TTC21B: variants seen among roughly 807,000 people sequenced by gnomAD.
TTC21B encodes tetratricopeptide repeat protein 21B.
In TTC21B, 127 loss-of-function variants were observed where a neutral mutation model predicts 175.1. That is an observed-to-expected ratio of 0.73 (90% CI 0.63 to 0.84). The LOEUF (loss-of-function observed/expected upper bound fraction) is 0.84. TTC21B is among the 40% of genes least tolerant of loss of function. TTC21B has a pLI of 0.00. For missense variants in TTC21B, 1,561 were observed against 1,558.3 expected, an observed-to-expected ratio of 1.00 and a Z score of -0.03; for synonymous variants, 524 against 524.5, an observed-to-expected ratio of 1.00 and a Z score of 0.01.
At chr2:165,942,699 C>T (rs1347219599) in intron 5 of TTC21B, among the ~76,000 whole-genome samples, 1 of 152,218 alleles carries the variant, frequency 6.6e-6, no homozygotes, top group Admixed American at 6.5e-5. Context: ...CTTTAACCCT[C>T]ACCTCCATAA....
chr2:165,919,458 T>C, intron 12 of TTC21B, 25 bp from the exon 13 acceptor site: 1 of 1,610,984 alleles, frequency 6.2e-7, no homozygotes, highest in Non-Finnish European at 8.5e-7. Context: ...AATGCATTGT[T>C]ATAATTCAAA....
intron 12 of TTC21B, 98 bp downstream of exon 12, chr2:165,924,451 G>T (rs1231615040): frequency 1.7e-6 from 2 of 1,148,598 alleles, no homozygotes; most frequent in Non-Finnish European, 2.5e-6. Context: ...TACATTTTAT[G>T]TGACTATTCT....
rs1686341706 is a variant in TTC21B at position 165,920,369 on chromosome 2, A to G, written c.1517-936T>C. ...GAGACTGAAAATGTTCTTCTCAGAG[A>G]CAGAAGATTAATAGAAAACTAACTG... On this transcript the variant is annotated intron_variant, in intron 12 of 28. Coordinates refer to ENST00000243344, the MANE Select transcript of TTC21B (RefSeq NM_024753.5). 3.3e-5 allele frequency among the ~76,000 whole-genome samples: 5 copies of G among 152,300 alleles called. No individual in the cohort carries two copies. In the South Asian group the frequency reaches 1.0e-3, roughly 32 times the overall value.
chr2:165,898,402 T>G (rs1233859468), intron 22 of TTC21B, among the ~76,000 whole-genome samples: 1 of 152,104 alleles, frequency 6.6e-6, no homozygotes, highest in East Asian at 1.9e-4. Context: ...TGATGGAGGT[T>G]TGAGGAGACA....
chr2:165,903,414 G>A (rs897310292), intron 19 of TTC21B, among the ~76,000 whole-genome samples: 6 of 152,162 alleles, frequency 3.9e-5, no homozygotes, highest in Non-Finnish European at 8.8e-5. Flanking sequence ...AGGTAAGCCT[G>A]TTAAATAATC....
rs146320075 is a variant in TTC21B at position 165,917,459 on chromosome 2, T to C, written c.1697A>G (p.His566Arg). The C allele has an allele frequency of 4.4e-4, 707 of 1,613,480 alleles. 2 individuals carry two copies. The highest frequency in any genetic ancestry group is 4.3e-4 in the Non-Finnish European group (508 of 1,179,642). The change falls in exon 14 of 29, where the codon CAT becomes CGT. Residue 566 changes from histidine (H) to arginine (R), a missense_variant. His to Arg is a conservative substitution (Grantham distance 29). Coordinates refer to ENST00000243344, the MANE Select transcript of TTC21B (RefSeq NM_024753.5). Reference protein sequence around the residue: ...DFKVRDYPLYHLIKAQSQKKM... With the variant: ...DFKVRDYPLYRLIKAQSQKKM... ...CTTTTGTGACTGAGCTTTTATCAAA[T>C]GGTATAAAGGATAGTCTCTCACCTG... is the stretch of plus-strand genomic sequence containing the variant.
At chr2:165,886,770 T>C (rs187034180) in intron 25 of TTC21B, among the ~76,000 whole-genome samples, 33 of 152,310 alleles carry the variant, frequency 2.2e-4, no homozygotes, top group Middle Eastern at 6.8e-3. Flanking sequence ...AACTTTCTCA[T>C]TGTTATGAGA....
At chr2:165,914,922 C>G (rs1686107854) in intron 15 of TTC21B, among the ~76,000 whole-genome samples, 1 of 151,854 alleles carries the variant, frequency 6.6e-6, no homozygotes, top group Non-Finnish European at 1.5e-5. Context: ...GTACAATTTC[C>G]CTTCTCAAAC....
chr2:165,923,796 G>A (rs982288770), intron 12 of TTC21B, among the ~76,000 whole-genome samples: 2 of 140,216 alleles, frequency 1.4e-5, no homozygotes, highest in Non-Finnish European at 3.0e-5. Flanking sequence ...CATCACTGAC[G>A]CTGGAGTGCA....
intron 22 of TTC21B, among the ~76,000 whole-genome samples, chr2:165,895,482 G>A (rs1049057344): frequency 6.6e-6 from 1 of 152,170 alleles, no homozygotes; most frequent in Non-Finnish European, 1.5e-5. Context: ...ATTCACAGTG[G>A]AAGAAGTCTG....
chr2:165,927,364 T>TA (rs1289672752), intron 11 of TTC21B, among the ~76,000 whole-genome samples: 1 of 64,114 alleles, frequency 1.6e-5, no homozygotes, highest in Non-Finnish European at 4.2e-5. Flanking sequence ...ATTTTATATA[T>TA]ATATATATAT....
chr2:165,875,817 T>C (rs1173587150), intron 28 of TTC21B, among the ~76,000 whole-genome samples: 1 of 151,116 alleles, frequency 6.6e-6, no homozygotes, highest in African/African-American at 2.4e-5. Context: ...TCTTTGTCTT[T>C]TTTTTTTTTT....
At chr2:165,929,103 C>T (rs774524473) in intron 11 of TTC21B, 32 bp downstream of exon 11, 2 of 1,586,672 alleles carry the variant, frequency 1.3e-6, no homozygotes, top group Non-Finnish European at 1.7e-6. Flanking sequence ...CAAGTAAACG[C>T]ATCCTTGAAA....
chr2:165,889,533 G>C, intron 24 of TTC21B, among the ~76,000 whole-genome samples: 1 of 139,004 alleles, frequency 7.2e-6, no homozygotes, highest in South Asian at 2.3e-4. Flanking sequence ...TGAATTGCCT[G>C]AAGAAGATTT....
In TTC21B at chr2:165,895,355, A is replaced by G. The variant is rs373019642; in HGVS notation, c.2950+3331T>C. Among the ~76,000 whole-genome samples the G allele has an allele frequency of 2.2e-4, 33 of 152,256 alleles. No individual in the cohort carries two copies. In the South Asian group the frequency reaches 5.8e-3, roughly 27 times the overall value. On this transcript the variant is annotated intron_variant, in intron 22 of 28. Transcript: ENST00000243344. ...AAAAAGGCTGCTGCCAAGCAACAGA[A>G]ACTTACGTGAAACAAAACCCACAAG...
chr2:165,907,880 A>G (rs754414491), intron 18 of TTC21B, 96 bp from the exon 19 acceptor site: 12 of 836,954 alleles, frequency 1.4e-5, no homozygotes, highest in Non-Finnish European at 1.7e-5. Context: ...AGAAAAAATG[A>G]TTTTGAAAAA....
chr2:165,951,608 C>T (rs1687764121), intron 1 of TTC21B, among the ~76,000 whole-genome samples: 2 of 152,140 alleles, frequency 1.3e-5, no homozygotes, highest in Non-Finnish European at 2.9e-5. Context: ...CTCCAGTCTA[C>T]CTCCCACTAA....
At chr2:165,906,955 CAAAAAAAAAAAA>C (rs1160627145) in intron 19 of TTC21B, among the ~76,000 whole-genome samples, 2 of 60,262 alleles carry the variant, frequency 3.3e-5, no homozygotes, top group Admixed American at 2.2e-4. Flanking sequence ...AACTCCGTCT[CAAAAAAAAAAAA>C]AAAAAAAAAA....
chr2:165,884,500 T>A (rs1684942978), intron 25 of TTC21B, among the ~76,000 whole-genome samples: 1 of 152,230 alleles, frequency 6.6e-6, no homozygotes, highest in South Asian at 2.1e-4. Context: ...ATTGCTTTTT[T>A]TCCCCCTCCC....
Sources: gnomAD v4.1 joint callset for allele counts (sites outside exome capture counted in the v4.1 genomes callset) on GRCh38, gnomAD v4.1.1 for gene constraint, MANE v1.5 for transcripts, NCBI Gene and HGNC (gene_info 2026-07-23, HGNC 2026-07-21) for gene names.